Variants in TTC7A observed in about 807,000 individuals in gnomAD.
The protein encoded by TTC7A is tetratricopeptide repeat protein 7A.
A neutral mutation model predicts 103.7 loss-of-function variants in TTC7A; 110 were observed. The ratio of observed to expected loss-of-function variants is 1.06; its 90% confidence interval spans 0.91 to 1.24. The LOEUF is 1.24. Among genes scored for constraint, TTC7A ranks in the 50% most tolerant of loss-of-function variants. The probability of loss-of-function intolerance (pLI) is 0.00; values close to 1 mark genes in which losing one functional copy is unlikely to be tolerated. For synonymous variants in TTC7A, 521 were observed against 467.9 expected (o/e 1.11, Z -1.47); for missense variants, 1,340 against 1,116.3 (o/e 1.20, Z -2.86).
intron 13 of TTC7A, among the ~76,000 whole-genome samples, chr2:47,023,675 C>T (rs1679544360): frequency 6.6e-6 from 1 of 152,130 alleles, no homozygotes. Context: ...GCTCCAGCAG[C>T]CACAAGTCTC....
At chr2:47,001,113 A>G (rs1676759877) in intron 8 of TTC7A, among the ~76,000 whole-genome samples, 1 of 152,202 alleles carries the variant, frequency 6.6e-6, no homozygotes, top group Non-Finnish European at 1.5e-5. Flanking sequence ...GGCTGAGAGT[A>G]CACAGAAGAT....
At chr2:47,071,007 G>A (rs919030691) in intron 19 of TTC7A, 3 of 152,230 alleles carry the variant, frequency 2.0e-5, no homozygotes, top group African/African-American at 7.2e-5. Flanking sequence ...GGGACATTTG[G>A]ATGAAATTGA....
chr2:46,925,007 T>A (rs1669313043), intron 2 of TTC7A, among the ~76,000 whole-genome samples: 1 of 152,292 alleles, frequency 6.6e-6, no homozygotes, highest in Admixed American at 6.5e-5. Flanking sequence ...GATACTGAAG[T>A]AACTAATCCT....
chr2:46,960,370 A>G (rs1672264088), intron 3 of TTC7A, among the ~76,000 whole-genome samples: 3 of 152,102 alleles, frequency 2.0e-5, no homozygotes, highest in African/African-American at 7.2e-5. Context: ...CCCAGTACCA[A>G]TTTCCTGAGC....
chr2:47,057,590 A>C (rs1415629221), intron 18 of TTC7A, among the ~76,000 whole-genome samples: 1 of 152,210 alleles, frequency 6.6e-6, no homozygotes. Context: ...CAAGTAGACC[A>C]GGGGAGTGGG....
chr2:46,962,450 C>A (rs1572736626), intron 3 of TTC7A, among the ~76,000 whole-genome samples: 1 of 152,198 alleles, frequency 6.6e-6, no homozygotes, highest in African/African-American at 2.4e-5. Flanking sequence ...TCCTGGCCCA[C>A]CTCCCACAGG....
chr2:47,052,444 A>T (rs1682943000), intron 18 of TTC7A, among the ~76,000 whole-genome samples: 3 of 152,172 alleles, frequency 2.0e-5, no homozygotes, highest in African/African-American at 7.2e-5. Context: ...AAACGAGCCA[A>T]TGTGTGACAC....
At position 47,074,011 on chromosome 2, in the gene TTC7A, G is replaced by A; in HGVS notation, c.*88G>A. 2 of 1,003,864 alleles carry A rather than the reference G, an allele frequency of 2.0e-6. No homozygotes were observed. The highest frequency in any genetic ancestry group is 3.0e-6 in the Non-Finnish European group (2 of 677,790). The allele number at this position is 1,003,864 out of a possible 1,614,324, so 62.2% of individuals were successfully genotyped here. On this transcript the variant is annotated 3_prime_UTR_variant, in exon 20 of 20. Transcript: ENST00000319190. ...CAGGGTGGGGCAACAGTGGCATCAG[G>A]TGCGGGGCCTCAGGGAAATACATCT... is the stretch of plus-strand genomic sequence containing the variant.
intron 2 of TTC7A, among the ~76,000 whole-genome samples, chr2:46,928,459 T>TA (rs35897582): frequency 0.08 from 6,555 of 81,926 alleles, 307 homozygotes; most frequent in African/African-American, 0.11. Flanking sequence ...AAAGGGAAAT[T>TA]AAAAAAAAAA....
intron 14 of TTC7A, among the ~76,000 whole-genome samples, chr2:47,025,750 C>T (rs548820934): frequency 3.3e-5 from 5 of 152,154 alleles, no homozygotes; most frequent in Non-Finnish European, 7.4e-5. Context: ...CTTCCTCTTG[C>T]ACTGCCCCTC....
rs1193815851 is a variant in TTC7A at position 46,975,076 on chromosome 2, T to C, written c.621T>C (p.Ala207=). 2 of 1,613,810 alleles carry C rather than the reference T, an allele frequency of 1.2e-6. No homozygotes were observed. The highest frequency in any genetic ancestry group is 1.7e-6 in the Non-Finnish European group (2 of 1,179,900). Residue 207 remains alanine, a synonymous_variant, in exon 4 of 20, where the codon GCT becomes GCC. Coordinates refer to ENST00000319190, the MANE Select transcript of TTC7A (RefSeq NM_020458.4). ...GTTTTGAGAGGGCCTCCTGGATCGC[T>C]CAGGTGTTCCTGCAGGAATTGGAGA... ...ITCFERASWI[A]QVFLQELEKT...
chr2:47,003,109 T>C (rs1347540725), intron 8 of TTC7A, among the ~76,000 whole-genome samples: 1 of 152,208 alleles, frequency 6.6e-6, no homozygotes, highest in African/African-American at 2.4e-5. Flanking sequence ...CACTGTTCTC[T>C]TAAAGGTCAA....
At chr2:47,019,360 C>A (rs535828210) in intron 11 of TTC7A, among the ~76,000 whole-genome samples, 4 of 151,710 alleles carry the variant, frequency 2.6e-5, no homozygotes, top group African/African-American at 4.8e-5. Context: ...TAGTGAGACA[C>A]CATTTTCTAT....
chr2:47,003,891 T>G (rs59586041), intron 8 of TTC7A, among the ~76,000 whole-genome samples: 19,485 of 152,126 alleles, frequency 0.13, 1,376 homozygotes, highest in Admixed American at 0.15. Flanking sequence ...GTGGAGTGGG[T>G]CAGTACATCG....
At chr2:47,039,544 A>G (rs1198831284) in intron 15 of TTC7A, among the ~76,000 whole-genome samples, 1 of 152,176 alleles carries the variant, frequency 6.6e-6, no homozygotes, top group Non-Finnish European at 1.5e-5. Flanking sequence ...CCCTATCTAC[A>G]AGATAACTAT....
chr2:47,000,706 T>C (rs1434873629), intron 8 of TTC7A, among the ~76,000 whole-genome samples: 3 of 152,132 alleles, frequency 2.0e-5, no homozygotes, highest in African/African-American at 7.2e-5. Context: ...GCCAGGAGAC[T>C]TGTTTCTGGG....
chr2:47,029,410 A>G (rs766296519), intron 15 of TTC7A, 26 bp downstream of exon 15: 2 of 1,611,920 alleles, frequency 1.2e-6, no homozygotes, highest in Non-Finnish European at 1.7e-6. Context: ...ACACTCTGGC[A>G]GTGGGGGAGC....
At chr2:47,073,662 G>A (rs1268253501) in intron 19 of TTC7A, 40 bp from the exon 20 acceptor site, 2 of 1,586,726 alleles carry the variant, frequency 1.3e-6, no homozygotes, top group Non-Finnish European at 1.7e-6. Context: ...CCTGTGCCAT[G>A]GGACACCCCT....
intron 14 of TTC7A, among the ~76,000 whole-genome samples, chr2:47,026,334 G>A (rs1679912245): frequency 6.6e-6 from 1 of 152,228 alleles, no homozygotes; most frequent in African/African-American, 2.4e-5. Context: ...GACAAGCCGA[G>A]CCAGTGGCCC....
Sources: gnomAD v4.1 joint callset for allele counts (sites outside exome capture counted in the v4.1 genomes callset) on GRCh38, gnomAD v4.1.1 for gene constraint, MANE v1.5 for transcripts, NCBI Gene and HGNC (gene_info 2026-07-23, HGNC 2026-07-21) for gene names.